The following EFCAB11 variants were observed in gnomAD, a reference collection of about 807,000 sequenced individuals.
The protein encoded by EFCAB11 is EF-hand calcium-binding domain-containing protein 11.
In EFCAB11, 14 loss-of-function variants were observed where a neutral mutation model predicts 23.0. The ratio of observed to expected loss-of-function variants is 0.61; its 90% CI spans 0.40 to 0.95. The LOEUF (loss-of-function observed/expected upper bound fraction) is 0.95. Ranked by LOEUF, EFCAB11 falls within the 40% of genes least tolerant of loss-of-function variation. The pLI is 0.00. For missense variants in EFCAB11, 198 were observed against 195.8 expected (o/e 1.01, Z -0.07); for synonymous variants, 65 against 66.6 (o/e 0.98, Z 0.11).
chr14:89,932,006 A>G (rs932885255), intron 4 of EFCAB11, among the ~76,000 whole-genome samples: 15 of 146,984 alleles, frequency 1.0e-4, no homozygotes, highest in African/African-American at 3.8e-4. Flanking sequence ...TTTGCGTGGT[A>G]TTAGAATCAT....
intron 5 of EFCAB11, among the ~76,000 whole-genome samples, chr14:89,899,622 G>A (rs1051719926): frequency 6.6e-6 from 1 of 152,136 alleles, no homozygotes; most frequent in Non-Finnish European, 1.5e-5. Flanking sequence ...TATGTAAAGA[G>A]CCCCTATAAA....
chr14:89,929,065 T>TTATATATATA (rs2139804078), intron 5 of EFCAB11, among the ~76,000 whole-genome samples: 1 of 109,044 alleles, frequency 9.2e-6, no homozygotes, highest in South Asian at 4.0e-4. Flanking sequence ...ATATTTTTTT[T>TTATATATATA]TAGGAGGGTC....
intron 5 of EFCAB11, among the ~76,000 whole-genome samples, chr14:89,921,789 C>T (rs1406916987): frequency 1.3e-5 from 2 of 152,188 alleles, no homozygotes; most frequent in African/African-American, 2.4e-5. Context: ...ACAATCAAAA[C>T]TTTGATGTAA....
intron 5 of EFCAB11, among the ~76,000 whole-genome samples, chr14:89,918,453 C>T (rs1165947110): frequency 2.0e-5 from 3 of 151,140 alleles, no homozygotes; most frequent in Non-Finnish European, 3.0e-5. Context: ...GCAGGAGAAT[C>T]GCTTGAACCC....
chr14:89,935,747 G>T (rs575809060), intron 3 of EFCAB11, among the ~76,000 whole-genome samples: 1 of 152,124 alleles, frequency 6.6e-6, no homozygotes, highest in Admixed American at 6.5e-5. Context: ...GGTAGCTCAC[G>T]CCTGTAATCC....
intron 5 of EFCAB11, among the ~76,000 whole-genome samples, chr14:89,921,072 A>AAAAAAAAAAAG (rs796207560): frequency 0.025 from 3,663 of 147,404 alleles, 237 homozygotes; most frequent in African/African-American, 0.092. Flanking sequence ...CTAAAAAAAA[A>AAAAAAAAAAAG]AAAAGAAAAG....
chr14:89,838,628 C>A (rs1205419951), intron 5 of EFCAB11, among the ~76,000 whole-genome samples: 1 of 151,952 alleles, frequency 6.6e-6, no homozygotes, highest in Non-Finnish European at 1.5e-5. Flanking sequence ...TTCAAAGAAA[C>A]CCAACAGATA....
intron 5 of EFCAB11, among the ~76,000 whole-genome samples, chr14:89,899,386 A>G (rs1889273992): frequency 6.6e-6 from 1 of 152,266 alleles, no homozygotes; most frequent in Non-Finnish European, 1.5e-5. Context: ...CCCCATTTAC[A>G]TGCTCAAGTA....
chr14:89,830,335 C>T lies in EFCAB11; in HGVS notation c.411-33011G>A, dbSNP rs185921395. 6 of 152,260 alleles carry T rather than the reference C, an allele frequency of 3.9e-5. No homozygotes were observed. The East Asian group carries it at 5.8e-4, about 15-fold the overall frequency. The allele number at this position is 152,260 out of a possible 1,614,324, so 9.4% of individuals were successfully genotyped here. A position where few individuals can be genotyped will look rare whatever the true frequency, so the allele number is the denominator to read the frequency against. Reference sequence around the variant, plus strand: ...TGCAATAGCCTATTAATTGCTTACACGCATACTTTCAATGAACAAACACGA... The same window carrying T: ...TGCAATAGCCTATTAATTGCTTACATGCATACTTTCAATGAACAAACACGA... On this transcript the variant is annotated intron_variant, in intron 5 of 5. Transcript: ENST00000316738.
chr14:89,945,561 T>C (rs1890949962), intron 3 of EFCAB11, among the ~76,000 whole-genome samples: 1 of 152,228 alleles, frequency 6.6e-6, no homozygotes, highest in Non-Finnish European at 1.5e-5. Flanking sequence ...TCCAGACAGC[T>C]TTGCTATTGA....
rs533555032 is a variant in EFCAB11 at position 89,805,099 on chromosome 14, T to C, written c.411-7775A>G. ...GAGAATGTCCAGATCAGGCCAGGAATAAAGAACGACATAAGCCAGGCAAAA... is the reference window on the plus strand; with the variant it reads ...GAGAATGTCCAGATCAGGCCAGGAACAAAGAACGACATAAGCCAGGCAAAA... On this transcript the variant is annotated intron_variant, in intron 5 of 5. Coordinates refer to ENST00000316738, the MANE Select transcript of EFCAB11 (RefSeq NM_145231.4). Among the ~76,000 whole-genome samples the C allele has an allele frequency of 4.3e-4, 65 of 152,306 alleles. No individual in the cohort carries two copies. In the South Asian group the frequency reaches 8.3e-3, roughly 19 times the overall value.
intron 5 of EFCAB11, among the ~76,000 whole-genome samples, chr14:89,801,517 C>G (rs536274382): frequency 6.6e-6 from 1 of 152,138 alleles, no homozygotes; most frequent in Admixed American, 6.5e-5. Context: ...TTGGGAAGTG[C>G]TTCATAATCC....
At chr14:89,867,332 G>T (rs1888123886) in intron 5 of EFCAB11, among the ~76,000 whole-genome samples, 1 of 152,192 alleles carries the variant, frequency 6.6e-6, no homozygotes, top group Admixed American at 6.5e-5. Flanking sequence ...AGTCACGGAT[G>T]ACCTCAGCCA....
intron 5 of EFCAB11, among the ~76,000 whole-genome samples, chr14:89,905,205 C>A (rs1237082425): frequency 6.6e-6 from 1 of 152,140 alleles, no homozygotes; most frequent in Non-Finnish European, 1.5e-5. Flanking sequence ...GGAGGATTCA[C>A]AGGAGATCTC....
chr14:89,800,164 C>T (rs1189829747), intron 5 of EFCAB11, among the ~76,000 whole-genome samples: 1 of 150,656 alleles, frequency 6.6e-6, no homozygotes, highest in Non-Finnish European at 1.5e-5. Flanking sequence ...CCAGCCTGGG[C>T]GAAAAGAGCA....
rs117401070 is a variant in EFCAB11 at position 89,889,073 on chromosome 14, A to G, written c.410+42468T>C. On this transcript the variant is annotated intron_variant, in intron 5 of 5. Coordinates refer to ENST00000316738, the MANE Select transcript of EFCAB11 (RefSeq NM_145231.4). Reference sequence around the variant, plus strand: ...GAAACACAGAGGCAGAGAAAAGCCTATGAGATCAGGAAGGGTTTGCATGAT... The same window carrying G: ...GAAACACAGAGGCAGAGAAAAGCCTGTGAGATCAGGAAGGGTTTGCATGAT... Among the ~76,000 whole-genome samples, 8 of 152,366 alleles carry G rather than the reference A, an allele frequency of 5.3e-5. No individual in the cohort carries two copies. In the East Asian group the frequency reaches 1.5e-3, roughly 29 times the overall value.
chr14:89,828,532 A>G (rs995047218), intron 5 of EFCAB11, among the ~76,000 whole-genome samples: 3 of 152,180 alleles, frequency 2.0e-5, no homozygotes, highest in Non-Finnish European at 2.9e-5. Context: ...GATCCCTAAC[A>G]TGCTGAGTTC....
At chr14:89,872,727 G>A (rs1888320063) in intron 5 of EFCAB11, among the ~76,000 whole-genome samples, 1 of 152,120 alleles carries the variant, frequency 6.6e-6, no homozygotes, top group South Asian at 2.1e-4. Context: ...TTTAAGTGAA[G>A]TCATGCAGGT....
chr14:89,847,741 C>CAAAAA (rs561016492), intron 5 of EFCAB11, among the ~76,000 whole-genome samples: 5 of 91,892 alleles, frequency 5.4e-5, no homozygotes, highest in African/African-American at 1.6e-4. Flanking sequence ...CTCTGTCTCA[C>CAAAAA]AAAAAAAAAA....
Sources: allele counts gnomAD v4.1 joint callset (sites outside exome capture counted in the v4.1 genomes callset), GRCh38; gene constraint gnomAD v4.1.1; transcripts MANE v1.5; gene names NCBI Gene and HGNC (gene_info 2026-07-23, HGNC 2026-07-21).